Variants in DGLUCY observed in about 807,000 individuals in gnomAD.
DGLUCY encodes the protein D-glutamate cyclase.
DGLUCY carries 58 observed loss-of-function variants against 58.5 expected under a neutral mutation model. The ratio of observed to expected loss-of-function variants is 0.99; its 90% confidence interval spans 0.80 to 1.23. The LOEUF (loss-of-function observed/expected upper bound fraction) is 1.23, where lower values mean the gene tolerates loss of function less well. DGLUCY is among the 50% of genes most tolerant of loss of function. DGLUCY has a pLI of 0.00. For missense variants in DGLUCY, 779 were observed against 784.7 expected (o/e 0.99, Z 0.09); for synonymous variants, 325 against 314.1 (o/e 1.03, Z -0.37).
chr14:91,156,239 G>A (rs28548905), intron 1 of DGLUCY, among the ~76,000 whole-genome samples: 39,990 of 151,508 alleles, frequency 0.26, 5,942 homozygotes, highest in Non-Finnish European at 0.33. Flanking sequence ...TCAGCCTCCC[G>A]GGTAGCTGGG....
At chr14:91,221,486 ATGGATGGATGCATGGATGGATGGATAG>A (rs1887491559) in intron 13 of DGLUCY, among the ~76,000 whole-genome samples, 1 of 150,476 alleles carries the variant, frequency 6.6e-6, no homozygotes, top group Admixed American at 6.6e-5. Context: ...TGCGTGGATA[ATGGATGGATGCATGGATGGATGGATAG>A]TGGATGGATA....
At chr14:91,165,248 A>G (rs1227481904) in intron 3 of DGLUCY, 1 of 456,210 alleles carries the variant, frequency 2.2e-6, no homozygotes, top group Non-Finnish European at 4.4e-6. Context: ...TCTACACAGG[A>G]TTTCATTGAA....
intron 1 of DGLUCY, among the ~76,000 whole-genome samples, chr14:91,151,632 A>G (rs892571343): frequency 6.7e-6 from 1 of 149,492 alleles, no homozygotes; most frequent in Non-Finnish European, 1.5e-5. Context: ...CTCATTATTC[A>G]TCTTTTTTAT....
intron 3 of DGLUCY, among the ~76,000 whole-genome samples, chr14:91,164,251 A>G (rs528045725): frequency 6.6e-6 from 1 of 152,290 alleles, no homozygotes; most frequent in South Asian, 2.1e-4. Flanking sequence ...CGCCCGGCCC[A>G]ATAGAACATA....
chr14:91,124,414 C>T (rs1157387371), intron 1 of DGLUCY, among the ~76,000 whole-genome samples: 13 of 152,324 alleles, frequency 8.5e-5, no homozygotes, highest in Non-Finnish European at 1.6e-4. Context: ...GACAGTTCAG[C>T]AGGACTTCAG....
At chr14:91,186,194 A>G (rs536954681) in intron 8 of DGLUCY, among the ~76,000 whole-genome samples, 1 of 152,286 alleles carries the variant, frequency 6.6e-6, no homozygotes, top group Non-Finnish European at 1.5e-5. Flanking sequence ...ACCATGCCCT[A>G]GGAAGTAGGT....
At chr14:91,197,341 G>A (rs34120090) in intron 10 of DGLUCY, among the ~76,000 whole-genome samples, 21,586 of 152,158 alleles carry the variant, frequency 0.14, 1,875 homozygotes, top group African/African-American at 0.24. Context: ...CTAACCTCAG[G>A]TGATCCACCT....
intron 3 of DGLUCY, among the ~76,000 whole-genome samples, chr14:91,164,426 T>G (rs1467145572): frequency 6.6e-6 from 1 of 152,148 alleles, no homozygotes; most frequent in African/African-American, 2.4e-5. Context: ...CATTCAAGGG[T>G]TAGATATTTA....
rs545787644 is a variant in DGLUCY, at chr14:91,085,580, G to C, written c.-82+24876G>C. The stretch of plus-strand genomic sequence containing the variant: ...TTTTTTTTGTTTTTTTTTTTTTTTA[G>C]TATGTGTGTGACGGAGTCTCACTCT... On this transcript the variant is annotated intron_variant, in intron 1 of 4. Coordinates refer to the DGLUCY transcript ENST00000521334. 6.5e-4 allele frequency among the ~76,000 whole-genome samples: 84 copies of C among 128,590 alleles called. 1 individual carries two copies. Among genetic ancestry groups the C allele is most frequent in the Middle Eastern group, 4.0e-3 (1 of 252 alleles). The allele number at this position is 128,590 out of a possible 152,430, so 84.4% of individuals were successfully genotyped here. A position where few individuals can be genotyped will look rare whatever the true frequency, so the allele number is the denominator to read the frequency against.
At chr14:91,068,054 C>T (rs983105912) in intron 1 of DGLUCY, among the ~76,000 whole-genome samples, 11 of 145,914 alleles carry the variant, frequency 7.5e-5, no homozygotes, top group South Asian at 4.4e-4. Flanking sequence ...AATGTACTGG[C>T]GCGTGCACAC....
At chr14:91,083,688 G>A (rs950503607) in intron 1 of DGLUCY, among the ~76,000 whole-genome samples, 1 of 152,078 alleles carries the variant, frequency 6.6e-6, no homozygotes, top group Non-Finnish European at 1.5e-5. Context: ...GTGTCAACTT[G>A]AGAACAGAGA....
chr14:91,224,958 C>A lies in DGLUCY; in HGVS notation c.*125C>A. ...GTCTTCGGTGAGCAACGAACACTCG[C>A]CTGGCCTGGGAAACTGCATGCCCAC... On this transcript the variant is annotated 3_prime_UTR_variant, in exon 14 of 14. Coordinates refer to ENST00000256324, the MANE Select transcript of DGLUCY (RefSeq NM_001102368.3). The A allele has an allele frequency of 8.6e-7, 1 of 1,167,938 alleles. No homozygotes were observed. The highest frequency in any genetic ancestry group is 1.2e-6 in the Non-Finnish European group (1 of 869,070). The allele number at this position is 1,167,938 out of a possible 1,614,324, so 72.3% of individuals were successfully genotyped here. A position where few individuals can be genotyped will look rare whatever the true frequency, so the allele number is the denominator to read the frequency against.
intron 3 of DGLUCY, among the ~76,000 whole-genome samples, chr14:91,166,682 A>G (rs1566977747): frequency 6.6e-6 from 1 of 151,816 alleles, no homozygotes. Flanking sequence ...AAAAAATTAC[A>G]TTAGAAGTTG....
intron 12 of DGLUCY, among the ~76,000 whole-genome samples, chr14:91,212,918 G>A (rs918256802): frequency 1.3e-5 from 2 of 150,204 alleles, no homozygotes; most frequent in East Asian, 2.0e-4. Flanking sequence ...GGAGAATGGC[G>A]TGAACCCAAG....
At chr14:91,167,418 G>A in intron 4 of DGLUCY, 40 bp downstream of exon 4, 2 of 1,612,916 alleles carry the variant, frequency 1.2e-6, no homozygotes, top group Non-Finnish European at 1.7e-6. Flanking sequence ...GCTTGGGAGT[G>A]TCCAGGTGCT....
At chr14:91,073,701 G>C (rs950160760) in intron 1 of DGLUCY, among the ~76,000 whole-genome samples, 2 of 152,080 alleles carry the variant, frequency 1.3e-5, no homozygotes, top group African/African-American at 4.8e-5. Context: ...GCCCTGAGGA[G>C]CAGCCTCTAG....
At position 91,160,414 on chromosome 14, in the gene DGLUCY, A is replaced by G; in HGVS notation, c.103+17A>G. 1 of 722,480 alleles carries G rather than the reference A, an allele frequency of 1.4e-6. No individual in the cohort carries two copies. Among genetic ancestry groups the G allele is most frequent in the East Asian group, 3.0e-5 (1 of 33,164 alleles). 44.8% of individuals were successfully genotyped at this position (722,480 alleles called of 1,614,324 possible). On this transcript the variant is annotated intron_variant, in intron 3 of 13. Coordinates refer to ENST00000256324, the MANE Select transcript of DGLUCY (RefSeq NM_001102368.3). Reference sequence around the variant, plus strand: ...TGGCTGGAGGTAAGTGGTGCCAGATAGTTAAAAAAAAAAAAAAAAAAAAAA... The same window carrying G: ...TGGCTGGAGGTAAGTGGTGCCAGATGGTTAAAAAAAAAAAAAAAAAAAAAA...
At chr14:91,102,736 A>AGTGTGTGTGTGTGTGTGTGTGT (rs1288611586) in intron 1 of DGLUCY, among the ~76,000 whole-genome samples, 31 of 60,806 alleles carry the variant, frequency 5.1e-4, no homozygotes, top group East Asian at 1.9e-3. Flanking sequence ...GACCCCTTCC[A>AGTGTGTGTGTGTGTGTGTGTGT]GTGTGTATGT....
At position 91,179,480 on chromosome 14, in the gene DGLUCY, G is replaced by A. The variant is rs540717818; in HGVS notation, c.731-1706G>A. Reference sequence around the variant, plus strand: ...AATATATATAGATGAGGCTGGGTGCGGTGGCTCACGCCTGTAATCCCAGCA... The same window carrying A: ...AATATATATAGATGAGGCTGGGTGCAGTGGCTCACGCCTGTAATCCCAGCA... On this transcript the variant is annotated intron_variant, in intron 7 of 13. Coordinates refer to ENST00000256324, the MANE Select transcript of DGLUCY (RefSeq NM_001102368.3). Among the ~76,000 whole-genome samples, 4 of 151,490 alleles carry A rather than the reference G, an allele frequency of 2.6e-5. No individual in the cohort carries two copies. In the East Asian group the frequency reaches 5.9e-4, roughly 22 times the overall value.
Sources: gnomAD v4.1 joint callset for allele counts (sites outside exome capture counted in the v4.1 genomes callset) on GRCh38, gnomAD v4.1.1 for gene constraint, MANE v1.5 for transcripts, NCBI Gene and HGNC (gene_info 2026-07-23, HGNC 2026-07-21) for gene names.